Variants in DLGAP1 observed in about 807,000 individuals in gnomAD.
DLGAP1 encodes the protein DLG associated protein 1, also known as disks large-associated protein 1.
Under a neutral mutation model 90.8 loss-of-function variants are expected in DLGAP1, and 11 were observed. That is an observed-to-expected ratio of 0.12 (90% CI 0.08 to 0.20). The LOEUF (loss-of-function observed/expected upper bound fraction) is 0.20. Ranked by LOEUF, DLGAP1 falls within the 10% of genes least tolerant of loss-of-function variation. DLGAP1 has a pLI of 1.00. For missense variants in DLGAP1, 1,050 were observed against 1,333.8 expected, an observed-to-expected ratio of 0.79 and a Z score of 3.31; for synonymous variants, 558 against 540.7, an observed-to-expected ratio of 1.03 and a Z score of -0.44.
Position 4,324,859 on chromosome 18 carries a change from T to C in DLGAP1, c.-267+130147A>G, listed in dbSNP as rs561241928. Among the ~76,000 whole-genome samples the C allele has an allele frequency of 4.6e-5, 7 of 152,136 alleles. No homozygotes were observed. The South Asian group carries it at 1.2e-3, about 27-fold the overall frequency. ...ATCAATAAACTAGGCACTGAAGGAATATATTTCAAAATATTAAGGGCCATC... is the reference window on the plus strand; with the variant it reads ...ATCAATAAACTAGGCACTGAAGGAACATATTTCAAAATATTAAGGGCCATC... On this transcript the variant is annotated intron_variant, in intron 1 of 12. Transcript: ENST00000315677.
At chr18:3,986,414 CT>C (rs74270577) in intron 3 of DLGAP1, 68,081 of 147,834 alleles carry the variant, frequency 0.46, 15,502 homozygotes, top group Admixed American at 0.54. Context: ...TTTGATTTAA[CT>C]TTTTTTTTTT....
chr18:3,718,527 C>T (rs2061841180), intron 7 of DLGAP1, among the ~76,000 whole-genome samples: 4 of 152,028 alleles, frequency 2.6e-5, no homozygotes, highest in African/African-American at 4.8e-5. Flanking sequence ...CAACTATCCA[C>T]CTCTAAGGAA....
intron 1 of DLGAP1, among the ~76,000 whole-genome samples, chr18:4,180,310 C>G (rs1275029974): frequency 1.3e-5 from 2 of 152,146 alleles, no homozygotes; most frequent in Non-Finnish European, 2.9e-5. Flanking sequence ...AGGAGGGTGA[C>G]TAACTCATCT....
intron 3 of DLGAP1, among the ~76,000 whole-genome samples, chr18:3,998,024 G>C (rs1423810355): frequency 1.3e-5 from 2 of 152,068 alleles, no homozygotes; most frequent in Non-Finnish European, 2.9e-5. Flanking sequence ...CCCCACAGGT[G>C]GTGGTGTGTA....
intron 8 of DLGAP1, chr18:3,580,883 G>A (rs573680544): frequency 2.9e-5 from 28 of 957,068 alleles, no homozygotes; most frequent in Non-Finnish European, 4.5e-5. Context: ...CCCTGCAGTA[G>A]CGTCTGCCCT....
In DLGAP1 at chr18:4,288,066, A is replaced by ATGTT. The variant is rs2079747213; in HGVS notation, c.-266-136780_-266-136779insAACA. ...GAGAATAAAGGTGGCAGCTTGACAA[A>ATGTT]TTTTTTATTATTATACTTTAAGTTT... On this transcript the variant is annotated intron_variant, in intron 1 of 12. Coordinates refer to ENST00000315677, the MANE Select transcript of DLGAP1 (RefSeq NM_004746.4). Among the ~76,000 whole-genome samples the ATGTT allele has an allele frequency of 3.3e-5, 5 of 151,482 alleles. No individual in the cohort carries two copies. In the South Asian group the frequency reaches 1.0e-3, roughly 32 times the overall value.
Position 3,534,546 on chromosome 18 carries a change from A to G in DLGAP1, c.2127T>C (p.Asn709=). The G allele has an allele frequency of 1.2e-6, 2 of 1,613,804 alleles. No individual in the cohort carries two copies. The highest frequency in any genetic ancestry group is 1.7e-6 in the Non-Finnish European group (2 of 1,179,824). Residue 709 remains asparagine, a synonymous_variant, in exon 10 of 13, where the codon AAT becomes AAC. Transcript: ENST00000315677. ...AVQADLDFHD[N]LENSLESIED... ...CTATAGATTCCAGAGAATTTTCCAG[A>G]TTATCATGGAAGTCCAGGTCGGCCT...
intron 1 of DLGAP1, among the ~76,000 whole-genome samples, chr18:4,214,935 T>C (rs1363186500): frequency 6.6e-6 from 1 of 152,116 alleles, no homozygotes; most frequent in Non-Finnish European, 1.5e-5. Context: ...GTCTTCCCTC[T>C]GATAAGAAAA....
chr18:4,026,796 G>A (rs971455825), intron 2 of DLGAP1, among the ~76,000 whole-genome samples: 4 of 152,172 alleles, frequency 2.6e-5, no homozygotes, highest in Admixed American at 1.3e-4. Context: ...CACAGTCTTT[G>A]TCCTGGAATA....
intron 2 of DLGAP1, among the ~76,000 whole-genome samples, chr18:4,025,323 A>AT (rs35955396): frequency 0.35 from 52,477 of 150,198 alleles, 10,413 homozygotes; most frequent in African/African-American, 0.53. Flanking sequence ...TCCAATGAGC[A>AT]TTTTTTTTTT....
At chr18:4,345,952 C>T (rs1568527649) in intron 1 of DLGAP1, among the ~76,000 whole-genome samples, 1 of 152,184 alleles carries the variant, frequency 6.6e-6, no homozygotes, top group Non-Finnish European at 1.5e-5. Flanking sequence ...GGGATTATAT[C>T]TAAGCAAAGT....
intron 1 of DLGAP1, among the ~76,000 whole-genome samples, chr18:4,351,456 A>G (rs2081400519): frequency 6.6e-6 from 1 of 152,218 alleles, no homozygotes; most frequent in Non-Finnish European, 1.5e-5. Flanking sequence ...TTTTTAGTAC[A>G]TATGCTAAAA....
chr18:3,961,478 G>A (rs1400321873), intron 3 of DLGAP1, among the ~76,000 whole-genome samples: 1 of 152,102 alleles, frequency 6.6e-6, no homozygotes, highest in Non-Finnish European at 1.5e-5. Flanking sequence ...CTTAGGACGG[G>A]AATACAAATG....
intron 10 of DLGAP1, among the ~76,000 whole-genome samples, chr18:3,515,474 A>AAAAG (rs2050782284): frequency 7.0e-6 from 1 of 142,386 alleles, no homozygotes; most frequent in African/African-American, 2.6e-5. Context: ...ATCTCAAAAA[A>AAAAG]AAAAAAAAAA....
At chr18:3,607,332 A>AT (rs1461403796) in intron 7 of DLGAP1, 4 of 151,926 alleles carry the variant, frequency 2.6e-5, no homozygotes, top group Non-Finnish European at 5.9e-5. Context: ...AATATTTTAT[A>AT]TTTTTTGTAG....
In DLGAP1 at chr18:3,879,229, G is replaced by A. The variant is rs143685573; in HGVS notation, c.840C>T (p.Ser280=). Residue 280 remains serine, a synonymous_variant, in exon 4 of 13, where the codon TCC becomes TCT. Transcript: ENST00000315677. The surrounding 1 kb of genome is among the most constrained non-coding windows in gnomAD (Gnocchi z 6.6). ...GGGCCCGGCTCACGGTGAGCGTGGA[G>A]GACCAGGCGCTCTTCTTCAGCAGCG... is the stretch of plus-strand genomic sequence containing the variant. ...DTPLLKKSAW[S]STLTVSRARE... 14 of 1,591,692 alleles carry A rather than the reference G, an allele frequency of 8.8e-6. No individual in the cohort carries two copies. In the African/African-American group the frequency reaches 1.7e-4, roughly 20 times the overall value.
chr18:3,540,775 G>C (rs550010172), intron 9 of DLGAP1, among the ~76,000 whole-genome samples: 2 of 152,250 alleles, frequency 1.3e-5, no homozygotes, highest in African/African-American at 4.8e-5. Context: ...TAAAGTAAAG[G>C]AAAATAGGAT....
rs1598429161 is a variant in DLGAP1 at position 4,442,723 on chromosome 18, A to T, written c.-267+12283T>A. Reference sequence around the variant, plus strand: ...AAAGTTAATGTCCTCATATACCAGGAATCTATCAGAGCACAGTAATTCAAT... The same window carrying T: ...AAAGTTAATGTCCTCATATACCAGGTATCTATCAGAGCACAGTAATTCAAT... On this transcript the variant is annotated intron_variant, in intron 1 of 12. Transcript: ENST00000315677. 1.3e-5 allele frequency among the ~76,000 whole-genome samples: 2 copies of T among 152,224 alleles called. 1 individual carries two copies. Among genetic ancestry groups the T allele is most frequent in the African/African-American group, 4.8e-5 (2 of 41,458 alleles).
chr18:3,961,002 A>G (rs959862737), intron 3 of DLGAP1, among the ~76,000 whole-genome samples: 2 of 152,216 alleles, frequency 1.3e-5, no homozygotes, highest in African/African-American at 4.8e-5. Context: ...TTACTCTGGA[A>G]AAGAGACACG....
Sources: gnomAD v4.1 joint callset for allele counts (sites outside exome capture counted in the v4.1 genomes callset) on GRCh38, gnomAD v4.1.1 for gene constraint, Gnocchi (gnomAD v3.1) non-coding constraint, MANE v1.5 for transcripts, NCBI Gene and HGNC (gene_info 2026-07-23, HGNC 2026-07-21) for gene names.